Variants in MGA observed in about 807,000 individuals in gnomAD.
The protein encoded by MGA is MAX gene-associated protein.
Under a neutral mutation model 261.1 loss-of-function variants are expected in MGA, and 40 were observed. The ratio of observed to expected loss-of-function variants is 0.15; its 90% CI spans 0.12 to 0.20. The LOEUF (loss-of-function observed/expected upper bound fraction) is 0.20. Among genes scored for constraint, MGA ranks in the 10% least tolerant of loss-of-function variants. The probability of loss-of-function intolerance (pLI) is 1.00; values close to 1 mark genes in which losing one functional copy is unlikely to be tolerated. For missense variants in MGA, 3,397 were observed against 3,630.5 expected (o/e 0.94, Z 1.65); for synonymous variants, 1,302 against 1,290.6 (o/e 1.01, Z -0.19).
At chr15:41,636,734 A>G (rs867387198) in intron 1 of MGA, among the ~76,000 whole-genome samples, 1 of 151,968 alleles carries the variant, frequency 6.6e-6, no homozygotes, top group African/African-American at 2.4e-5. Flanking sequence ...TATTTTTAGT[A>G]GAGATGGGGT....
chr15:41,633,986 C>T (rs947492728), intron 1 of MGA, among the ~76,000 whole-genome samples: 1 of 152,124 alleles, frequency 6.6e-6, no homozygotes, highest in Non-Finnish European at 1.5e-5. Flanking sequence ...CTTGTTCATG[C>T]TGGGCATATA....
chr15:41,652,876 CATT>C lies in MGA; in HGVS notation c.-67-15951_-67-15949del, dbSNP rs2057095612. Among the ~76,000 whole-genome samples, 2 of 152,102 alleles carry C rather than the reference CATT, an allele frequency of 1.3e-5. 1 individual carries two copies. The highest frequency in any genetic ancestry group is 4.1e-4 in the South Asian group (2 of 4,828). ...ATGCTTAATAAATATTCGTTTAACT[CATT>C]GTAGCCTTATTTACTTATGCTAATA... On this transcript the variant is annotated intron_variant, in intron 1 of 8. Coordinates refer to the MGA transcript ENST00000566718.
At chr15:41,674,756 G>A (rs2058285353) in intron 2 of MGA, among the ~76,000 whole-genome samples, 1 of 152,160 alleles carries the variant, frequency 6.6e-6, no homozygotes, top group Admixed American at 6.5e-5. Flanking sequence ...TTGACCTCTT[G>A]ATCCGCCCGC....
chr15:41,700,894 T>A (rs1020586179), intron 5 of MGA, among the ~76,000 whole-genome samples: 11 of 152,224 alleles, frequency 7.2e-5, no homozygotes, highest in Non-Finnish European at 1.5e-4. Context: ...GTCTAAACAT[T>A]ATAAGTTATC....
intron 9 of MGA, among the ~76,000 whole-genome samples, chr15:41,721,458 ACT>A (rs2060934415): frequency 6.6e-6 from 1 of 152,184 alleles, no homozygotes. Context: ...ATAGAACGAG[ACT>A]CTGTCTCAAA....
At chr15:41,635,515 A>ACCC (rs35924209) in intron 1 of MGA, among the ~76,000 whole-genome samples, 1 of 147,388 alleles carries the variant, frequency 6.8e-6, no homozygotes, top group Admixed American at 6.8e-5. Flanking sequence ...ACATAGTGAG[A>ACCC]CCCCCCCCCT....
intron 2 of MGA, among the ~76,000 whole-genome samples, chr15:41,693,164 T>A (rs1052764379): frequency 6.6e-6 from 1 of 152,032 alleles, no homozygotes; most frequent in African/African-American, 2.4e-5. Flanking sequence ...TTCTTTTTTT[T>A]ATTATTATTA....
chr15:41,731,327 T>C (rs1451512387), intron 11 of MGA, among the ~76,000 whole-genome samples: 7 of 152,156 alleles, frequency 4.6e-5, no homozygotes, highest in Non-Finnish European at 1.5e-5. Context: ...TTTATGCATG[T>C]ATCTATGCAT....
rs1334876881 is a variant in MGA, at chr15:41,758,448, A to G, written c.7191+609A>G. ...GGGTGGCATTTGGTTCCTTTAAAAAATCATAGTGCAGTTTGTTTGGTTTTG... is the reference window on the plus strand; with the variant it reads ...GGGTGGCATTTGGTTCCTTTAAAAAGTCATAGTGCAGTTTGTTTGGTTTTG... On this transcript the variant is annotated intron_variant, in intron 19 of 23. Coordinates refer to ENST00000219905, the MANE Select transcript of MGA (RefSeq NM_001164273.2). Among the ~76,000 whole-genome samples the G allele has an allele frequency of 5.3e-5, 8 of 152,106 alleles. 1 individual carries two copies. Among genetic ancestry groups the G allele is most frequent in the Admixed American group, 5.2e-4 (8 of 15,264 alleles).
At chr15:41,664,836 G>A (rs574094260) in intron 1 of MGA, among the ~76,000 whole-genome samples, 20 of 152,176 alleles carry the variant, frequency 1.3e-4, no homozygotes, top group African/African-American at 4.8e-4. Context: ...TCTCTGATAG[G>A]TATCGCCTAA....
At chr15:41,666,313 GTTTTC>G (rs1403961271) in intron 1 of MGA, among the ~76,000 whole-genome samples, 7 of 152,134 alleles carry the variant, frequency 4.6e-5, no homozygotes, top group Admixed American at 2.0e-4. Context: ...CAATACTACT[GTTTTC>G]TTTTCTGTCT....
chr15:41,684,615 TCA>T (rs2058850628), intron 2 of MGA: 1 of 226,184 alleles, frequency 4.4e-6, no homozygotes, highest in Non-Finnish European at 9.1e-6. Flanking sequence ...AGATCTAGCC[TCA>T]GAGGTTTCCC....
At position 41,749,777 on chromosome 15, in the gene MGA, A is replaced by C; in HGVS notation, c.6170A>C (p.His2057Pro). The change falls in exon 17 of 24, where the codon CAT (histidine) becomes CCT (proline). Residue 2057 changes from histidine to proline, a missense_variant. Coordinates refer to ENST00000219905, the MANE Select transcript of MGA (RefSeq NM_001164273.2). ...GAGCATTCCTGTATCACTGGGTCAC[A>C]TACAGATCAAGATTATAAAGATGTT... 6.2e-7 allele frequency: 1 copy of C among 1,614,026 alleles called. No individual in the cohort carries two copies. Among genetic ancestry groups the C allele is most frequent in the Non-Finnish European group, 8.5e-7 (1 of 1,179,886 alleles).
At chr15:41,651,396 T>C (rs1484221747) in intron 1 of MGA, among the ~76,000 whole-genome samples, 2 of 152,212 alleles carry the variant, frequency 1.3e-5, no homozygotes, top group East Asian at 1.9e-4. Flanking sequence ...GATAATTTAT[T>C]GTAGTTCATT....
chr15:41,749,457 A>T lies in MGA; in HGVS notation c.5850A>T (p.Pro1950=). ...GTAGTTTTGCCTTGTTACAGCTCCC[A>T]GGACAAAAGCCTGTTCCTAGCTCCA... Residue 1950 remains proline, a synonymous_variant, in exon 17 of 24, where the codon CCA becomes CCT. Transcript: ENST00000219905. The T allele has an allele frequency of 6.2e-7, 1 of 1,614,004 alleles. No homozygotes were observed. Among genetic ancestry groups the T allele is most frequent in the African/African-American group, 1.3e-5 (1 of 75,072 alleles).
intron 1 of MGA, among the ~76,000 whole-genome samples, chr15:41,654,056 G>A (rs1222574884): frequency 7.4e-6 from 1 of 135,678 alleles, no homozygotes; most frequent in Non-Finnish European, 1.6e-5. Context: ...GGTCTCAACT[G>A]AGATGTCTCT....
intron 1 of MGA, among the ~76,000 whole-genome samples, chr15:41,668,540 C>T (rs1368203105): frequency 6.6e-6 from 1 of 151,300 alleles, no homozygotes; most frequent in East Asian, 1.9e-4. Flanking sequence ...AATGAATATA[C>T]TCTTTTGTTT....
chr15:41,726,060 T>C (rs2061233135), intron 9 of MGA, among the ~76,000 whole-genome samples: 1 of 152,210 alleles, frequency 6.6e-6, no homozygotes, highest in Admixed American at 6.5e-5. Context: ...TTCTTGATAG[T>C]ATGATTTTAC....
Position 41,742,852 on chromosome 15 carries a change from G to T in MGA, c.4892G>T (p.Gly1631Val). The change falls in exon 15 of 24, where the codon GGT (glycine) becomes GTT (valine). Residue 1631 changes from glycine to valine, a missense_variant. Coordinates refer to ENST00000219905, the MANE Select transcript of MGA (RefSeq NM_001164273.2). ...ACTAAAGAAACTACTTATTCTTCTG[G>T]TGCCACCACTACAGGGGTTGTTGAG... The T allele has an allele frequency of 1.2e-6, 2 of 1,613,862 alleles. No individual in the cohort carries two copies. The highest frequency in any genetic ancestry group is 1.1e-5 in the South Asian group (1 of 91,076).
Sources: allele counts gnomAD v4.1 joint callset (sites outside exome capture counted in the v4.1 genomes callset), GRCh38; gene constraint gnomAD v4.1.1; transcripts MANE v1.5; gene names NCBI Gene and HGNC (gene_info 2026-07-23, HGNC 2026-07-21).